The following ZMAT1 variants were observed in gnomAD, a reference collection of about 807,000 sequenced individuals.
The protein encoded by ZMAT1 is zinc finger matrin-type protein 1.
Under a neutral mutation model 18.5 loss-of-function variants are expected in ZMAT1, and 11 were observed. The ratio of observed to expected loss-of-function variants is 0.59; its 90% CI spans 0.37 to 0.98. The LOEUF (loss-of-function observed/expected upper bound fraction) is 0.98. Ranked by LOEUF, ZMAT1 falls within the 50% of genes least tolerant of loss-of-function variation. The probability of loss-of-function intolerance (pLI) is 0.01; values close to 1 mark genes in which losing one functional copy is unlikely to be tolerated. For synonymous variants in ZMAT1, 211 were observed against 176.4 expected, an observed-to-expected ratio of 1.20 and a Z score of -1.55; for missense variants, 525 against 496.2, an observed-to-expected ratio of 1.06 and a Z score of -0.55.
chrX:101,907,904 T>C (rs1472937236), intron 1 of ZMAT1, among the ~76,000 whole-genome samples: 1 of 111,439 alleles, frequency 9.0e-6, no homozygotes, highest in Non-Finnish European at 1.9e-5. Flanking sequence ...AAGGAAAAAC[T>C]AAAACAGAGC....
rs766969188 is a variant in ZMAT1, at chrX:101,886,971, T to C, written c.677-240A>G. ...CAGAATTCTTTACACCACACCACAC[T>C]GCTTCTCTAGCTTAACTTCTTCCCT... On this transcript the variant is annotated intron_variant, in intron 4 of 5. Coordinates refer to ENST00000651725, the MANE Select transcript of ZMAT1 (RefSeq NM_001394560.1). 33 of 249,853 alleles carry C rather than the reference T, an allele frequency of 1.3e-4. No homozygotes were observed. The Admixed American group carries it at 1.5e-3, about 11-fold the overall frequency. 20.6% of individuals were successfully genotyped at this position (249,853 alleles called of 1,213,427 possible). A position where few individuals can be genotyped will look rare whatever the true frequency, so the allele number is the denominator to read the frequency against.
Position 101,886,687 on chromosome X carries a change from A to G in ZMAT1, c.721T>C (p.Phe241Leu). Residue 241 changes from phenylalanine to leucine, a missense_variant, in exon 5 of 6, where the codon TTT (phenylalanine) becomes CTT (leucine). Phe to Leu is a conservative substitution (Grantham distance 22). Coordinates refer to ENST00000651725, the MANE Select transcript of ZMAT1 (RefSeq NM_001394560.1). ...TYVCHICSIA[F>L]TSLDMFRSHM... is the part of the protein sequence containing the mutation. Reference sequence around the variant, plus strand: ...GACCGGAACATATCTAAAGATGTAAAAGCAATACTACAAATATGGCAAACA... The same window carrying G: ...GACCGGAACATATCTAAAGATGTAAGAGCAATACTACAAATATGGCAAACA... 3.3e-6 allele frequency: 4 copies of G among 1,205,890 alleles called. No homozygotes were observed. Among genetic ancestry groups the G allele is most frequent in the Non-Finnish European group, 4.5e-6 (4 of 891,821 alleles).
At chrX:101,915,999 C>T (rs1929298521) in intron 1 of ZMAT1, among the ~76,000 whole-genome samples, 2 of 111,938 alleles carry the variant, frequency 1.8e-5, no homozygotes, top group Admixed American at 9.5e-5. Flanking sequence ...CCCAAATGTC[C>T]ATCAATGATA....
Position 101,931,844 on chromosome X carries a change from G to A in ZMAT1, c.165C>T (p.Ala55=), listed in dbSNP as rs994546861. 3.8e-6 allele frequency: 3 copies of A among 788,793 alleles called. No individual in the cohort carries two copies. Among genetic ancestry groups the A allele is most frequent in the Admixed American group, 8.5e-5 (1 of 11,724 alleles). The allele number at this position is 788,793 out of a possible 1,213,427, so 65.0% of individuals were successfully genotyped here. A position where few individuals can be genotyped will look rare whatever the true frequency, so the allele number is the denominator to read the frequency against. The change falls in exon 1 of 6, where the codon GCC becomes GCT. Residue 55 remains alanine (A), a synonymous_variant. Transcript: ENST00000651725. ...AGCCACCGGCAGGCGGGCAGGCAGG[G>A]GCGGAGGTGGCGGAGGAGGCAGGAA... The part of the protein sequence containing the change: ...VIVPASSATS[A]PACPPAGGCG...
In ZMAT1 at chrX:101,927,702, C is replaced by T. The variant is rs182245950; in HGVS notation, c.292+4015G>A. On this transcript the variant is annotated intron_variant, in intron 1 of 5. Coordinates refer to ENST00000651725, the MANE Select transcript of ZMAT1 (RefSeq NM_001394560.1). ...TTAAGGTACTGTGTAAATCCATTAA[C>T]ACACCTGATCCCATGACAGCTACTT... Among the ~76,000 whole-genome samples the T allele has an allele frequency of 2.6e-4, 29 of 112,131 alleles. 3 individuals carry two copies. Among genetic ancestry groups the T allele is most frequent in the East Asian group, 2.0e-3 (7 of 3,563 alleles).
chrX:101,897,339 TGGGGTGG>T (rs1330802479), intron 4 of ZMAT1, among the ~76,000 whole-genome samples: 1 of 38,660 alleles, frequency 2.6e-5, no homozygotes, highest in Non-Finnish European at 4.3e-5. Flanking sequence ...GGGACTGTTG[TGGGGTGG>T]GGGGAGGGGG....
chrX:101,912,265 T>A, intron 1 of ZMAT1, among the ~76,000 whole-genome samples: 1 of 111,902 alleles, frequency 8.9e-6, no homozygotes, highest in Non-Finnish European at 1.9e-5. Flanking sequence ...CTCTAGGTCA[T>A]CCATCCCTGC....
intron 4 of ZMAT1, chrX:101,889,972 A>G (rs1927262378): frequency 1.8e-5 from 2 of 112,592 alleles, no homozygotes. Flanking sequence ...TTTTAAAATT[A>G]TGACAGGACA....
intron 4 of ZMAT1, chrX:101,889,313 G>A (rs1927202697): frequency 9.0e-6 from 1 of 110,920 alleles, no homozygotes; most frequent in African/African-American, 3.3e-5. Context: ...CCGAGGTTCT[G>A]TTCTGCTCTC....
At chrX:101,896,666 T>A (rs1432633396) in intron 4 of ZMAT1, among the ~76,000 whole-genome samples, 1 of 112,311 alleles carries the variant, frequency 8.9e-6, no homozygotes, top group Non-Finnish European at 1.9e-5. Context: ...ATGGCAGGCA[T>A]GCCTTAGTCC....
chrX:101,923,077 T>C (rs1361704466), intron 1 of ZMAT1, among the ~76,000 whole-genome samples: 4 of 112,182 alleles, frequency 3.6e-5, no homozygotes, highest in African/African-American at 1.3e-4. Context: ...CTGATTCTAG[T>C]AGAAATGGGA....
At chrX:101,918,484 A>AC (rs1556306634) in intron 1 of ZMAT1, 1,212 of 104,783 alleles carry the variant, frequency 0.012, 15 homozygotes, top group African/African-American at 0.036. Flanking sequence ...ACACACACAC[A>AC]AAAATTAGCT....
chrX:101,931,871 A>G lies in ZMAT1; in HGVS notation c.138T>C (p.Ile46=). The G allele has an allele frequency of 8.8e-6, 7 of 797,203 alleles. No individual in the cohort carries two copies. Among genetic ancestry groups the G allele is most frequent in the Non-Finnish European group, 1.0e-5 (7 of 670,867 alleles). The allele number at this position is 797,203 out of a possible 1,213,427, so 65.7% of individuals were successfully genotyped here. ...AAAAAAAAAV[I]VPASSATSAP... is the part of the protein sequence containing the mutation. Reference sequence around the variant, plus strand: ...CGGAGGTGGCGGAGGAGGCAGGAACAATTACTGCCGCCGCCGCCGCCGCCG... The same window carrying G: ...CGGAGGTGGCGGAGGAGGCAGGAACGATTACTGCCGCCGCCGCCGCCGCCG... The change falls in exon 1 of 6, where the codon ATT becomes ATC. Residue 46 remains isoleucine, a synonymous_variant. Transcript: ENST00000651725.
At chrX:101,902,509 G>A (rs1928316290) in intron 2 of ZMAT1, among the ~76,000 whole-genome samples, 1 of 111,439 alleles carries the variant, frequency 9.0e-6, no homozygotes, top group Non-Finnish European at 1.9e-5. Context: ...TAGGAAACCA[G>A]GCTAATACAA....
intron 1 of ZMAT1, among the ~76,000 whole-genome samples, chrX:101,906,106 C>A (rs983614893): frequency 2.7e-5 from 3 of 110,938 alleles, no homozygotes; most frequent in African/African-American, 9.8e-5. Context: ...ACTGGACCCA[C>A]CCCAGTAATA....
chrX:101,920,588 G>A (rs73524759), intron 1 of ZMAT1, among the ~76,000 whole-genome samples: 1 of 111,677 alleles, frequency 9.0e-6, no homozygotes, highest in Non-Finnish European at 1.9e-5. Flanking sequence ...TAGACTGTGA[G>A]TTCTGCAAGG....
At chrX:101,921,367 C>CTTCAATAT (rs747111751) in intron 1 of ZMAT1, among the ~76,000 whole-genome samples, 2 of 112,199 alleles carry the variant, frequency 1.8e-5, no homozygotes, top group East Asian at 5.6e-4. Flanking sequence ...AATGACAATC[C>CTTCAATAT]TTCAATATTT....
At chrX:101,928,498 T>C (rs991288679) in intron 1 of ZMAT1, among the ~76,000 whole-genome samples, 9 of 112,304 alleles carry the variant, frequency 8.0e-5, no homozygotes, top group Non-Finnish European at 1.5e-4. Context: ...GCTGTGACTA[T>C]AGGCATGTGC....
In ZMAT1 at chrX:101,911,569, C is replaced by A; in HGVS notation, c.293-7239G>T. 4 of 1,148,785 alleles carry A rather than the reference C, an allele frequency of 3.5e-6. No individual in the cohort carries two copies. In the South Asian group the frequency reaches 7.5e-5, roughly 21 times the overall value. The allele number at this position is 1,148,785 out of a possible 1,213,427, so 94.7% of individuals were successfully genotyped here. A position where few individuals can be genotyped will look rare whatever the true frequency, so the allele number is the denominator to read the frequency against. On this transcript the variant is annotated intron_variant, in intron 1 of 5. Coordinates refer to ENST00000651725, the MANE Select transcript of ZMAT1 (RefSeq NM_001394560.1). ...ACAGCGAATCCACACAGGGGAGAAG[C>A]CCTATGAATGCAATGACTGTAGCAA...
Sources: gnomAD v4.1 joint callset for allele counts (sites outside exome capture counted in the v4.1 genomes callset) on GRCh38, gnomAD v4.1.1 for gene constraint, MANE v1.5 for transcripts, NCBI Gene and HGNC (gene_info 2026-07-23, HGNC 2026-07-21) for gene names.